Variants in ZNF385C observed in about 807,000 individuals in gnomAD.
ZNF385C encodes zinc finger protein 385C.
A neutral mutation model predicts 35.4 loss-of-function variants in ZNF385C; 28 were observed. That is an observed-to-expected ratio of 0.79 (90% confidence interval 0.59 to 1.08). The LOEUF (loss-of-function observed/expected upper bound fraction) is 1.08, where lower values mean the gene tolerates loss of function less well. Among genes scored for constraint, ZNF385C ranks in the 50% least tolerant of loss-of-function variants. The pLI is 0.00. For synonymous variants in ZNF385C, 248 were observed against 248.2 expected, an observed-to-expected ratio of 1.00 and a Z score of 0.01; for missense variants, 605 against 595.6, an observed-to-expected ratio of 1.02 and a Z score of -0.16.
chr17:42,063,330 ACCAG>A (rs2053493510), intron 1 of ZNF385C, among the ~76,000 whole-genome samples: 1 of 152,158 alleles, frequency 6.6e-6, no homozygotes, highest in Admixed American at 6.5e-5. Flanking sequence ...GGAGTTTGAC[ACCAG>A]CCTGACCAAC....
intron 2 of ZNF385C, among the ~76,000 whole-genome samples, chr17:42,041,628 C>T (rs563439155): frequency 1.3e-5 from 2 of 152,242 alleles, no homozygotes; most frequent in East Asian, 3.9e-4. Context: ...CTAGTCTGCC[C>T]TATTCCTGGG....
intron 2 of ZNF385C, chr17:42,040,701 A>G: frequency 1.6e-6 from 2 of 1,232,264 alleles, no homozygotes; most frequent in Non-Finnish European, 1.0e-6. Context: ...CTGCCAAGTC[A>G]ATAGCTGCAA....
chr17:42,085,603 T>TC (rs1227281578), intron 1 of ZNF385C, among the ~76,000 whole-genome samples: 1 of 146,894 alleles, frequency 6.8e-6, no homozygotes, highest in African/African-American at 2.5e-5. Context: ...AACATTTTTT[T>TC]TTTTTTTTTT....
At chr17:42,039,258 GAA>G in intron 2 of ZNF385C, 1 of 153,392 alleles carries the variant, frequency 6.5e-6, no homozygotes, top group Non-Finnish European at 1.4e-5. Flanking sequence ...CTCAAAAAAA[GAA>G]AAAAAAAGAA....
chr17:42,066,353 C>A (rs540564590), intron 1 of ZNF385C, among the ~76,000 whole-genome samples: 1 of 152,146 alleles, frequency 6.6e-6, no homozygotes, highest in African/African-American at 2.4e-5. Flanking sequence ...CCACTGGTGC[C>A]CGGCCAATCA....
At chr17:42,027,554 G>GGCCCCCCCCCCCCCCCCCCCCC in intron 8 of ZNF385C, 64 bp downstream of exon 8, 3 of 556,882 alleles carry the variant, frequency 5.4e-6, no homozygotes, top group East Asian at 3.4e-5. Flanking sequence ...CCCCCATCTG[G>GGCCCCCCCCCCCCCCCCCCCCC]CCCTCCCAGC....
chr17:42,034,482 G>A (rs2052797252), intron 3 of ZNF385C, 147 bp from the exon 4 acceptor site: 2 of 623,712 alleles, frequency 3.2e-6, no homozygotes, highest in Non-Finnish European at 2.8e-6. Flanking sequence ...GTGGATGTTG[G>A]AAAGAGAAAC....
In ZNF385C at chr17:42,095,724, T is replaced by G. The variant is rs1317587213; in HGVS notation, c.-3+2686A>C. Among the ~76,000 whole-genome samples, 1 of 152,058 alleles carries G rather than the reference T, an allele frequency of 6.6e-6. No homozygotes were observed. The highest frequency in any genetic ancestry group is 2.4e-5 in the African/African-American group (1 of 41,382). The stretch of plus-strand genomic sequence containing the variant: ...GACAATCTTCATTTCACCTTGAAAC[T>G]CCGTCCTGGTCCAGGTAAGCATGTT... On this transcript the variant is annotated intron_variant, in intron 1 of 8. Coordinates refer to ENST00000692273, the MANE Select transcript of ZNF385C (RefSeq NM_001392013.1). This position sits in a 1 kb window ranked among gnomAD's most constrained non-coding sequence, Gnocchi z 4.4.
chr17:42,066,747 C>G (rs2053551824), intron 1 of ZNF385C, among the ~76,000 whole-genome samples: 1 of 152,124 alleles, frequency 6.6e-6, no homozygotes, highest in South Asian at 2.1e-4. Context: ...GGCCCGTAAT[C>G]CAATATACAT....
At chr17:42,057,539 T>TGTGTGTGTGA (rs1209123915) in intron 2 of ZNF385C, among the ~76,000 whole-genome samples, 1 of 151,446 alleles carries the variant, frequency 6.6e-6, no homozygotes, top group African/African-American at 2.4e-5. Flanking sequence ...TGTGTGTGTG[T>TGTGTGTGTGA]GATGGTCCAT....
At chr17:42,085,548 AG>A (rs1325239733) in intron 1 of ZNF385C, among the ~76,000 whole-genome samples, 2 of 150,120 alleles carry the variant, frequency 1.3e-5, no homozygotes, top group African/African-American at 2.5e-5. Flanking sequence ...AGCCTCCCAA[AG>A]TGCTAGGATT....
At chr17:42,055,223 T>C (rs1249038940) in intron 2 of ZNF385C, among the ~76,000 whole-genome samples, 3 of 152,038 alleles carry the variant, frequency 2.0e-5, no homozygotes. Flanking sequence ...ACAGGTTTGT[T>C]AGGAAGGGGC....
At chr17:42,039,998 G>A (rs1007151970) in intron 2 of ZNF385C, 24 of 1,230,936 alleles carry the variant, frequency 1.9e-5, no homozygotes, top group Non-Finnish European at 2.4e-5. Context: ...TGGGTGCACA[G>A]GGCCCGCGGG....
intron 1 of ZNF385C, among the ~76,000 whole-genome samples, chr17:42,090,477 T>G (rs62076917): frequency 1 from 150,908 of 151,170 alleles, 75,325 homozygotes; most frequent in Middle Eastern, 1. Flanking sequence ...TAGTGATGGG[T>G]TTTCACCATG....
rs550224405 is a variant in ZNF385C, at chr17:42,089,763, C to T, written c.-3+8647G>A. On this transcript the variant is annotated intron_variant, in intron 1 of 8. Transcript: ENST00000692273. ...CCACACTGATGGATGCCTCCAATCTCAGCAGCAGAATGTGTACGGAATCGA... is the reference window on the plus strand; with the variant it reads ...CCACACTGATGGATGCCTCCAATCTTAGCAGCAGAATGTGTACGGAATCGA... Among the ~76,000 whole-genome samples, 3 of 152,278 alleles carry T rather than the reference C, an allele frequency of 2.0e-5. No homozygotes were observed. In the East Asian group the frequency reaches 5.8e-4, roughly 29 times the overall value.
At chr17:42,063,790 T>A (rs2053502399) in intron 1 of ZNF385C, among the ~76,000 whole-genome samples, 1 of 152,160 alleles carries the variant, frequency 6.6e-6, no homozygotes, top group Non-Finnish European at 1.5e-5. Flanking sequence ...GGCAATCCTG[T>A]GACAGCCAGG....
chr17:42,038,205 G>C (rs1252089095), intron 2 of ZNF385C: 2 of 688,420 alleles, frequency 2.9e-6, no homozygotes, highest in African/African-American at 3.6e-5. Flanking sequence ...GGCAGGCCCT[G>C]ACACACACAC....
At chr17:42,055,780 T>G (rs538700238) in intron 2 of ZNF385C, among the ~76,000 whole-genome samples, 14 of 151,840 alleles carry the variant, frequency 9.2e-5, no homozygotes, top group Non-Finnish European at 1.9e-4. Flanking sequence ...GAGCTCAAGG[T>G]CTTTGATCTC....
chr17:42,037,659 G>A (rs2052890512), intron 3 of ZNF385C, 78 bp downstream of exon 3: 12 of 1,437,636 alleles, frequency 8.3e-6, no homozygotes, highest in Middle Eastern at 5.1e-4. Context: ...GCTGCTGAGA[G>A]CTGGACCCTC....
Sources: gnomAD v4.1 joint callset for allele counts (sites outside exome capture counted in the v4.1 genomes callset) on GRCh38, gnomAD v4.1.1 for gene constraint, Gnocchi (gnomAD v3.1) non-coding constraint, MANE v1.5 for transcripts, NCBI Gene and HGNC (gene_info 2026-07-23, HGNC 2026-07-21) for gene names.